RBFOX1: variants seen among roughly 807,000 people sequenced by gnomAD.
RBFOX1 encodes RNA binding protein fox-1 homolog 1.
A neutral mutation model predicts 57.7 loss-of-function variants in RBFOX1; 8 were observed. That is an observed-to-expected ratio of 0.14 (90% CI 0.08 to 0.25). The LOEUF is 0.25. RBFOX1 is among the 10% of genes least tolerant of loss of function. The pLI is 1.00. For synonymous variants in RBFOX1, 326 were observed against 222.4 expected (o/e 1.47, Z -4.15); for missense variants, 611 against 548.5 (o/e 1.11, Z -1.14).
chr16:6,208,657 T>C (rs765679097), intron 1 of RBFOX1, among the ~76,000 whole-genome samples: 10 of 152,202 alleles, frequency 6.6e-5, no homozygotes, highest in Non-Finnish European at 1.3e-4. Flanking sequence ...GTTTTAATCG[T>C]TCTGCAATTT....
chr16:7,294,042 C>G (rs569381134), intron 4 of RBFOX1, among the ~76,000 whole-genome samples: 9 of 152,138 alleles, frequency 5.9e-5, no homozygotes, highest in African/African-American at 2.2e-4. Flanking sequence ...AAGAACCTTG[C>G]AGCCAAGCTC....
At chr16:7,671,608 T>C in intron 13 of RBFOX1, 4 of 1,608,414 alleles carry the variant, frequency 2.5e-6, no homozygotes, top group Non-Finnish European at 2.6e-6. Flanking sequence ...AGGTATGAAA[T>C]CCCGACTGGT....
intron 3 of RBFOX1, among the ~76,000 whole-genome samples, chr16:6,995,369 G>C (rs1397743858): frequency 1.3e-5 from 2 of 151,190 alleles, no homozygotes; most frequent in South Asian, 2.1e-4. Context: ...GGCCAACTTG[G>C]GGAGGGGGAT....
At chr16:7,597,349 C>G in intron 8 of RBFOX1, 22 bp from the exon 9 acceptor site, 1 of 1,585,306 alleles carries the variant, frequency 6.3e-7, no homozygotes, top group Non-Finnish European at 8.6e-7. Flanking sequence ...TATGTGCTTA[C>G]TTGAGTTTTC....
chr16:7,349,234 C>A (rs1447384999), intron 4 of RBFOX1, among the ~76,000 whole-genome samples: 1 of 152,166 alleles, frequency 6.6e-6, no homozygotes, highest in Non-Finnish European at 1.5e-5. Flanking sequence ...ATCTTCCTGG[C>A]AGCCTTCTAT....
At chr16:7,332,895 A>G in intron 4 of RBFOX1, 4 of 1,575,078 alleles carry the variant, frequency 2.5e-6, no homozygotes, top group African/African-American at 1.3e-5. Context: ...GACAGAAGGG[A>G]TTTGGCTCCC....
intron 3 of RBFOX1, among the ~76,000 whole-genome samples, chr16:6,931,376 T>C (rs1405358775): frequency 1.3e-5 from 2 of 151,164 alleles, no homozygotes; most frequent in East Asian, 1.9e-4. Context: ...CATACACATA[T>C]ATACATACAT....
rs189579841 is a variant in RBFOX1 at position 6,974,369 on chromosome 16, G to C, written c.-15-77688G>C. Among the ~76,000 whole-genome samples the C allele has an allele frequency of 4.7e-5, 4 of 85,162 alleles. No homozygotes were observed. In the East Asian group the frequency reaches 1.5e-3, roughly 31 times the overall value. 55.9% of individuals were successfully genotyped at this position (85,162 alleles called of 152,430 possible). A position where few individuals can be genotyped will look rare whatever the true frequency, so the allele number is the denominator to read the frequency against. On this transcript the variant is annotated intron_variant, in intron 3 of 15. Transcript: ENST00000550418. ...TTTTTTTTTTTTTTTTTTTGCGATA[G>C]AGTCTTGCTTTGTTGCCCAGGCTGG... is the stretch of plus-strand genomic sequence containing the variant.
At chr16:6,640,435 C>T (rs1054037364) in intron 2 of RBFOX1, among the ~76,000 whole-genome samples, 1 of 151,956 alleles carries the variant, frequency 6.6e-6, no homozygotes, top group Non-Finnish European at 1.5e-5. Flanking sequence ...ATGGTCAAAC[C>T]CCATGTCTGC....
chr16:5,647,389 C>A (rs1471772903), intron 3 of RBFOX1, among the ~76,000 whole-genome samples: 2 of 152,104 alleles, frequency 1.3e-5, no homozygotes, highest in Non-Finnish European at 1.5e-5. Flanking sequence ...AATGTGCCTG[C>A]AATTTATTGC....
intron 2 of RBFOX1, among the ~76,000 whole-genome samples, chr16:6,498,451 C>G (rs1402163074): frequency 1.3e-5 from 2 of 152,010 alleles, no homozygotes; most frequent in Non-Finnish European, 2.9e-5. Flanking sequence ...CTTCTAAATG[C>G]TGTTCATTTA....
chr16:5,389,084 G>A (rs985192303), intron 1 of RBFOX1, among the ~76,000 whole-genome samples: 40 of 151,626 alleles, frequency 2.6e-4, no homozygotes, highest in African/African-American at 7.2e-4. Context: ...CCAGCTACTC[G>A]GGAGGCTGAG....
chr16:6,338,986 G>T (rs1599793012), intron 2 of RBFOX1, among the ~76,000 whole-genome samples: 1 of 152,164 alleles, frequency 6.6e-6, no homozygotes, highest in East Asian at 1.9e-4. Context: ...ACAGATTTGG[G>T]TAATTCCCAG....
intron 3 of RBFOX1, among the ~76,000 whole-genome samples, chr16:5,817,086 A>G (rs1044860151): frequency 3.9e-5 from 6 of 152,158 alleles, no homozygotes; most frequent in African/African-American, 1.4e-4. Context: ...TTTTGGGTTC[A>G]GCTGAGGATA....
intron 3 of RBFOX1, among the ~76,000 whole-genome samples, chr16:6,711,533 G>A (rs2063715990): frequency 6.6e-6 from 1 of 152,104 alleles, no homozygotes; most frequent in South Asian, 2.1e-4. Context: ...AACATATGAT[G>A]GTTTAAAAGT....
At chr16:6,026,677 T>A (rs2095201483) in intron 1 of RBFOX1, among the ~76,000 whole-genome samples, 1 of 152,270 alleles carries the variant, frequency 6.6e-6, no homozygotes, top group Non-Finnish European at 1.5e-5. Context: ...AGTATTACTT[T>A]ATCGTTGTGT....
chr16:5,285,565 C>T (rs1251215506), intron 1 of RBFOX1, among the ~76,000 whole-genome samples: 1 of 152,174 alleles, frequency 6.6e-6, no homozygotes, highest in Non-Finnish European at 1.5e-5. Context: ...GTGCCTCTGA[C>T]ATAACCGTCA....
intron 5 of RBFOX1, among the ~76,000 whole-genome samples, chr16:7,567,250 CCTATATAT>C (rs2091967012): frequency 2.3e-5 from 1 of 43,284 alleles, no homozygotes; most frequent in Non-Finnish European, 4.7e-5. Flanking sequence ...TCCATATATC[CCTATATAT>C]ATATATCCCT....
At chr16:6,193,416 A>ATAG in intron 1 of RBFOX1, among the ~76,000 whole-genome samples, 1 of 123,390 alleles carries the variant, frequency 8.1e-6, no homozygotes, top group Non-Finnish European at 1.7e-5. Context: ...ATATATATAT[A>ATAG]TATATATATA....
Sources: allele counts gnomAD v4.1 joint callset (sites outside exome capture counted in the v4.1 genomes callset), GRCh38; gene constraint gnomAD v4.1.1; transcripts MANE v1.5; gene names NCBI Gene and HGNC (gene_info 2026-07-23, HGNC 2026-07-21).